Variants in DNAH9 observed in about 807,000 individuals in gnomAD.
The protein encoded by DNAH9 is dynein axonemal heavy chain 9.
In DNAH9, 345 loss-of-function variants were observed where a neutral mutation model predicts 471.6. The observed-to-expected ratio is 0.73, with a 90% confidence interval of 0.67 to 0.80. The LOEUF is 0.80. DNAH9 is among the 30% of genes least tolerant of loss of function. The pLI, the probability that DNAH9 is intolerant of heterozygous loss-of-function variation, is 0.00. For synonymous variants in DNAH9, 2,093 were observed against 2,123.6 expected (o/e 0.99, Z 0.40); for missense variants, 5,407 against 5,609.2 (o/e 0.96, Z 1.15).
intron 36 of DNAH9, among the ~76,000 whole-genome samples, chr17:11,766,878 A>C (rs1055609078): frequency 6.6e-6 from 1 of 151,964 alleles, no homozygotes; most frequent in Non-Finnish European, 1.5e-5. Context: ...GCTGAGGCAG[A>C]GAACAGCTTG....
At chr17:11,798,541 C>G (rs1354958114) in intron 43 of DNAH9, among the ~76,000 whole-genome samples, 1 of 149,432 alleles carries the variant, frequency 6.7e-6, no homozygotes, top group East Asian at 2.0e-4. Flanking sequence ...AGTGTTTTTG[C>G]TATCTAGTGA....
intron 45 of DNAH9, among the ~76,000 whole-genome samples, chr17:11,813,698 T>C (rs777481289): frequency 1.3e-5 from 2 of 152,232 alleles, no homozygotes; most frequent in Non-Finnish European, 2.9e-5. Context: ...CTCACACTTC[T>C]TTATCTCACC....
At chr17:11,831,268 C>G (rs1209820361) in intron 48 of DNAH9, among the ~76,000 whole-genome samples, 1 of 152,110 alleles carries the variant, frequency 6.6e-6, no homozygotes, top group East Asian at 1.9e-4. Flanking sequence ...AGGCCTCAAG[C>G]TGCTTCTTTT....
At chr17:11,824,846 T>C (rs962456265) in intron 48 of DNAH9, among the ~76,000 whole-genome samples, 1 of 152,110 alleles carries the variant, frequency 6.6e-6, no homozygotes, top group African/African-American at 2.4e-5. Flanking sequence ...GGTCTGGTAA[T>C]GGATCGTTTT....
chr17:11,670,379 C>T (rs926625362), intron 17 of DNAH9, among the ~76,000 whole-genome samples: 28 of 152,178 alleles, frequency 1.8e-4, no homozygotes, highest in African/African-American at 6.8e-4. Flanking sequence ...GTCCCCCGGT[C>T]ACTTTACCTT....
At chr17:11,652,618 A>C (rs1246620005) in intron 13 of DNAH9, 143 bp from the exon 14 acceptor site, 3 of 799,596 alleles carry the variant, frequency 3.8e-6, no homozygotes, top group South Asian at 1.8e-5. Context: ...AGGAGGGAGA[A>C]TATTCTGACG....
chr17:11,644,975 G>A (rs769306073), intron 11 of DNAH9, among the ~76,000 whole-genome samples: 14 of 152,290 alleles, frequency 9.2e-5, no homozygotes, highest in East Asian at 1.9e-4. Flanking sequence ...ATGGAACTCC[G>A]AGACGGATGT....
At chr17:11,618,266 G>A (rs1444145639) in intron 5 of DNAH9, among the ~76,000 whole-genome samples, 2 of 152,206 alleles carry the variant, frequency 1.3e-5, no homozygotes, top group African/African-American at 4.8e-5. Flanking sequence ...AACCAGGGCA[G>A]CATAAACCTT....
intron 49 of DNAH9, among the ~76,000 whole-genome samples, chr17:11,841,004 T>A (rs1971011724): frequency 6.6e-6 from 1 of 152,220 alleles, no homozygotes; most frequent in Non-Finnish European, 1.5e-5. Context: ...CTTAAAATAA[T>A]ATGCTCTTTT....
chr17:11,783,666 C>T lies in DNAH9; in HGVS notation c.7739C>T (p.Ser2580Phe), dbSNP rs1412236192. Residue 2580 changes from serine (S) to phenylalanine (F), a missense_variant, in exon 40 of 69, where the codon TCC becomes TTC. Ser to Phe is a radical substitution (Grantham distance 155, BLOSUM62 -2). Coordinates refer to ENST00000262442, the MANE Select transcript of DNAH9 (RefSeq NM_001372.4). The stretch of plus-strand genomic sequence containing the variant: ...TCCAGGTATGATCGGAGCAAGCTGT[C>T]CCTAAAGGAGATCACAAATGTACAG... Reference protein sequence around the residue: ...YGHWYDRSKLSLKEITNVQYV... With the variant: ...YGHWYDRSKLFLKEITNVQYV... 6.2e-7 allele frequency: 1 copy of T among 1,613,898 alleles called. No individual in the cohort carries two copies. The highest frequency in any genetic ancestry group is 8.5e-7 in the Non-Finnish European group (1 of 1,179,986).
chr17:11,949,009 G>A (rs1454810085), intron 67 of DNAH9, among the ~76,000 whole-genome samples: 1 of 152,134 alleles, frequency 6.6e-6, no homozygotes, highest in South Asian at 2.1e-4. Context: ...CTTTTCAAAT[G>A]GAAGTTCCTG....
At chr17:11,851,519 A>C (rs770790736) in intron 49 of DNAH9, among the ~76,000 whole-genome samples, 1 of 152,194 alleles carries the variant, frequency 6.6e-6, no homozygotes, top group Non-Finnish European at 1.5e-5. Flanking sequence ...TGGCAAGTCA[A>C]TACACTGAAA....
intron 24 of DNAH9, among the ~76,000 whole-genome samples, chr17:11,702,831 G>A (rs1597504434): frequency 1.3e-5 from 2 of 152,126 alleles, no homozygotes; most frequent in East Asian, 1.9e-4. Flanking sequence ...GATGGCTCAC[G>A]CCTGTAATCC....
intron 32 of DNAH9, among the ~76,000 whole-genome samples, chr17:11,750,101 A>C (rs935017585): frequency 2.0e-5 from 3 of 152,154 alleles, no homozygotes; most frequent in African/African-American, 7.2e-5. Context: ...TGTTCACTGA[A>C]CAAGGTAACT....
At chr17:11,889,607 A>G (rs1972988126) in intron 57 of DNAH9, among the ~76,000 whole-genome samples, 1 of 152,254 alleles carries the variant, frequency 6.6e-6, no homozygotes. Flanking sequence ...AGCGTTGCTC[A>G]TACTTTGCCT....
In DNAH9 at chr17:11,870,831, G is replaced by A. The variant is rs528442382; in HGVS notation, c.10054-767G>A. On this transcript the variant is annotated intron_variant, in intron 51 of 68. Transcript: ENST00000262442. ...CTCTGAAGCCACCCCTGTCTCTACC[G>A]ACCTAGAGATTCTGGTGAGATATTT... Among the ~76,000 whole-genome samples, 13 of 152,266 alleles carry A rather than the reference G, an allele frequency of 8.5e-5. No homozygotes were observed. The South Asian group carries it at 1.9e-3, about 22-fold the overall frequency.
intron 1 of DNAH9, among the ~76,000 whole-genome samples, chr17:11,604,025 T>C (rs946263597): frequency 3.6e-5 from 5 of 139,038 alleles, no homozygotes; most frequent in Non-Finnish European, 7.6e-5. Flanking sequence ...TATTCCCCAC[T>C]TCTTTTTTTT....
intron 10 of DNAH9, among the ~76,000 whole-genome samples, chr17:11,642,914 G>A (rs571583536): frequency 3.3e-4 from 51 of 152,276 alleles, no homozygotes; most frequent in Middle Eastern, 3.4e-3. Flanking sequence ...AAAAAAAAAC[G>A]CCAGCAAATT....
chr17:11,786,772 A>G (rs1015126788), intron 41 of DNAH9, among the ~76,000 whole-genome samples: 2 of 152,254 alleles, frequency 1.3e-5, no homozygotes, highest in East Asian at 1.9e-4. Flanking sequence ...CACTGATGCA[A>G]TATCAAGGAG....
Sources: gnomAD v4.1 joint callset for allele counts (sites outside exome capture counted in the v4.1 genomes callset) on GRCh38, gnomAD v4.1.1 for gene constraint, MANE v1.5 for transcripts, NCBI Gene and HGNC (gene_info 2026-07-23, HGNC 2026-07-21) for gene names.